The following PRKCQ variants were observed in gnomAD, a reference collection of about 807,000 sequenced individuals.
The protein encoded by PRKCQ is protein kinase C theta.
PRKCQ carries 41 observed loss-of-function variants against 91.2 expected under a neutral mutation model. The observed-to-expected ratio is 0.45, with a 90% CI of 0.35 to 0.58. The LOEUF is 0.58. Ranked by LOEUF, PRKCQ falls within the 20% of genes least tolerant of loss-of-function variation. The pLI is 0.00. For synonymous variants in PRKCQ, 307 were observed against 316.9 expected (o/e 0.97, Z 0.33); for missense variants, 673 against 896.5 (o/e 0.75, Z 3.18).
chr10:6,403,487 T>G, the PRKCQ span, among the ~76,000 whole-genome samples: 2 of 152,206 alleles, frequency 1.3e-5, no homozygotes, highest in Non-Finnish European at 2.9e-5. Context: ...GCATATCCAG[T>G]GTCCCTGAAC....
At chr10:6,470,360 G>A (rs764927750) in intron 12 of PRKCQ, among the ~76,000 whole-genome samples, 2 of 152,056 alleles carry the variant, frequency 1.3e-5, no homozygotes, top group South Asian at 4.2e-4. Context: ...TCTGCAGTAC[G>A]TTGATTCTGA....
At chr10:6,455,345 C>T (rs10508307) in intron 15 of PRKCQ, among the ~76,000 whole-genome samples, 23,316 of 152,168 alleles carry the variant, frequency 0.15, 2,026 homozygotes, top group East Asian at 0.35. Context: ...ATAAGCCTCG[C>T]TCTGTGAGTT....
At chr10:6,400,097 T>C in the PRKCQ span, among the ~76,000 whole-genome samples, 4 of 152,194 alleles carry the variant, frequency 2.6e-5, no homozygotes, top group Non-Finnish European at 4.4e-5. Flanking sequence ...CGTGGCCAGA[T>C]TGCCCAAGTT....
At chr10:6,544,803 G>T (rs548235317) in intron 1 of PRKCQ, among the ~76,000 whole-genome samples, 8 of 152,160 alleles carry the variant, frequency 5.3e-5, no homozygotes, top group Non-Finnish European at 1.0e-4. Flanking sequence ...TATATTTTTA[G>T]TAGAGACAGT....
At chr10:6,503,499 G>T (rs897303449) in intron 4 of PRKCQ, among the ~76,000 whole-genome samples, 3 of 152,102 alleles carry the variant, frequency 2.0e-5, no homozygotes, top group Non-Finnish European at 2.9e-5. Context: ...AACAGAAGGG[G>T]ATTTCAAAGA....
the PRKCQ span, among the ~76,000 whole-genome samples, chr10:6,413,869 G>GA: frequency 6.6e-6 from 1 of 152,198 alleles, no homozygotes; most frequent in African/African-American, 2.4e-5. Context: ...ACAGCTAAAA[G>GA]AAAAATATTT....
At chr10:6,415,746 C>CTCTT in the PRKCQ span, among the ~76,000 whole-genome samples, 2 of 140,278 alleles carry the variant, frequency 1.4e-5, no homozygotes, top group African/African-American at 5.3e-5. Context: ...CTCTCTCTCT[C>CTCTT]TTTTTTTTTT....
chr10:6,464,988 G>C (rs1253799579), intron 12 of PRKCQ, among the ~76,000 whole-genome samples: 1 of 152,164 alleles, frequency 6.6e-6, no homozygotes, highest in Non-Finnish European at 1.5e-5. Context: ...GCACAAGGGA[G>C]AGTCCAGTTG....
At chr10:6,417,534 C>T in the PRKCQ span, among the ~76,000 whole-genome samples, 9 of 152,260 alleles carry the variant, frequency 5.9e-5, no homozygotes, top group African/African-American at 1.9e-4. Context: ...TTCTGATGTT[C>T]GGAATGCGTG....
intron 2 of PRKCQ, among the ~76,000 whole-genome samples, chr10:6,511,457 A>G (rs1038448449): frequency 2.0e-5 from 3 of 152,212 alleles, no homozygotes; most frequent in African/African-American, 7.2e-5. Context: ...TGGACTGGAA[A>G]TTGTTACCAA....
intron 1 of PRKCQ, among the ~76,000 whole-genome samples, chr10:6,516,869 A>G (rs1838782464): frequency 6.6e-6 from 1 of 152,128 alleles, no homozygotes; most frequent in Non-Finnish European, 1.5e-5. Context: ...CAGGGCTTCC[A>G]TTACAGCAAG....
At chr10:6,546,156 C>A (rs886861272) in intron 1 of PRKCQ, among the ~76,000 whole-genome samples, 2 of 152,170 alleles carry the variant, frequency 1.3e-5, no homozygotes, top group South Asian at 4.1e-4. Flanking sequence ...TATCTAACTG[C>A]AAATGTTAGG....
At chr10:6,437,946 C>A (rs1170394365) in intron 16 of PRKCQ, among the ~76,000 whole-genome samples, 1 of 152,164 alleles carries the variant, frequency 6.6e-6, no homozygotes, top group African/African-American at 2.4e-5. Context: ...AGCCACCGTG[C>A]CCGGCTCCCA....
chr10:6,416,922 T>C, the PRKCQ span, among the ~76,000 whole-genome samples: 1 of 152,208 alleles, frequency 6.6e-6, no homozygotes, highest in Admixed American at 6.5e-5. Context: ...AGGAGTAAGG[T>C]GGTATGATTC....
At chr10:6,478,815 C>T (rs1013868008) in intron 12 of PRKCQ, among the ~76,000 whole-genome samples, 177 bp downstream of exon 12, 3 of 152,156 alleles carry the variant, frequency 2.0e-5, no homozygotes, top group African/African-American at 7.2e-5. Context: ...GACACTAAAA[C>T]ATTCTAAGTA....
intron 7 of PRKCQ, 44 bp from the exon 8 acceptor site, chr10:6,491,856 C>A (rs767481859): frequency 6.2e-7 from 1 of 1,613,024 alleles, no homozygotes; most frequent in Non-Finnish European, 8.5e-7. Flanking sequence ...TCCTGGGGCC[C>A]CGACTTTGGA....
At chr10:6,535,555 A>G (rs1249075951) in intron 1 of PRKCQ, among the ~76,000 whole-genome samples, 1 of 152,170 alleles carries the variant, frequency 6.6e-6, no homozygotes, top group Non-Finnish European at 1.5e-5. Context: ...ACCCCAAGTA[A>G]AAAGACCTGG....
At chr10:6,475,958 T>C (rs1327370009) in intron 12 of PRKCQ, among the ~76,000 whole-genome samples, 1 of 152,156 alleles carries the variant, frequency 6.6e-6, no homozygotes, top group Non-Finnish European at 1.5e-5. Flanking sequence ...CTGCTGAAGT[T>C]TTTTTTTCTC....
chr10:6,512,358 G>T lies in PRKCQ; in HGVS notation c.119-1164C>A, dbSNP rs367570520. On this transcript the variant is annotated intron_variant, in intron 2 of 17. Transcript: ENST00000263125. Reference sequence around the variant, plus strand: ...GCTGAAGCCGACTGCCAGCCTGCAAGTGAGTAAAGGCAGGTAGGCAGGAGC... The same window carrying T: ...GCTGAAGCCGACTGCCAGCCTGCAATTGAGTAAAGGCAGGTAGGCAGGAGC... Among the ~76,000 whole-genome samples, 52 of 152,358 alleles carry T rather than the reference G, an allele frequency of 3.4e-4. 2 individuals are homozygous for T. The South Asian group carries it at 0.01, about 30-fold the overall frequency.
Sources: allele counts gnomAD v4.1 joint callset (sites outside exome capture counted in the v4.1 genomes callset), GRCh38; gene constraint gnomAD v4.1.1; transcripts MANE v1.5; gene names NCBI Gene and HGNC (gene_info 2026-07-23, HGNC 2026-07-21).